Variants in COL5A2 observed in about 807,000 individuals in gnomAD.
The protein encoded by COL5A2 is collagen type V alpha 2 chain, also known as collagen alpha-2(V) chain.
COL5A2 carries 23 observed loss-of-function variants against 208.2 expected under a neutral mutation model. That is an observed-to-expected ratio of 0.11 (90% CI 0.08 to 0.16). The LOEUF (loss-of-function observed/expected upper bound fraction) is 0.16, where lower values mean the gene tolerates loss of function less well. Among genes scored for constraint, COL5A2 ranks in the 10% least tolerant of loss-of-function variants. The pLI, the probability that COL5A2 is intolerant of heterozygous loss-of-function variation, is 1.00. For missense variants in COL5A2, 1,590 were observed against 1,956.4 expected (o/e 0.81, Z 3.53); for synonymous variants, 625 against 628.5 (o/e 0.99, Z 0.08).
chr2:189,096,547 G>A (rs1233976497), intron 6 of COL5A2, among the ~76,000 whole-genome samples: 1 of 149,498 alleles, frequency 6.7e-6, no homozygotes, highest in Non-Finnish European at 1.5e-5. Context: ...GCGTGAACCA[G>A]GGAGGCGGAG....
At chr2:189,354,045 T>C in the COL5A2 span, among the ~76,000 whole-genome samples, 85,887 of 151,864 alleles carry the variant, frequency 0.57, 26,114 homozygotes, top group East Asian at 0.71. Flanking sequence ...GAGATAGATG[T>C]TTTTGTCATT....
intron 1 of COL5A2, among the ~76,000 whole-genome samples, chr2:189,137,214 A>G (rs1262080805): frequency 6.6e-6 from 1 of 152,242 alleles, no homozygotes; most frequent in Non-Finnish European, 1.5e-5. Flanking sequence ...GTGAATTATC[A>G]TTGGTCTTTT....
intron 6 of COL5A2, 116 bp from the exon 7 acceptor site, chr2:189,092,536 C>A (rs938214135): frequency 2.7e-6 from 2 of 727,354 alleles, no homozygotes; most frequent in African/African-American, 1.7e-5. Context: ...AAATACATGG[C>A]AATCTAGCCA....
chr2:189,190,170 G>C (rs957131688), intron 1 of COL5A2, among the ~76,000 whole-genome samples: 2 of 152,154 alleles, frequency 1.3e-5, no homozygotes, highest in Non-Finnish European at 2.9e-5. Context: ...TCACCAGTTG[G>C]AGAGTGTACT....
At chr2:189,350,846 C>A in the COL5A2 span, among the ~76,000 whole-genome samples, 2 of 152,196 alleles carry the variant, frequency 1.3e-5, no homozygotes, top group African/African-American at 4.8e-5. Context: ...TCAACACAAG[C>A]CATGTCTGCA....
the COL5A2 span, among the ~76,000 whole-genome samples, chr2:189,381,718 A>G: frequency 5.9e-5 from 9 of 152,098 alleles, no homozygotes; most frequent in Admixed American, 5.9e-4. Context: ...TTGTGCAGTA[A>G]TTTTAGAAGA....
chr2:189,221,689 CAGG>C (rs1261480922), intron 1 of COL5A2, among the ~76,000 whole-genome samples: 1 of 152,032 alleles, frequency 6.6e-6, no homozygotes, highest in East Asian at 1.9e-4. Flanking sequence ...GGAACTTAGA[CAGG>C]AGTAGTTCTT....
chr2:189,397,239 T>G, the COL5A2 span, among the ~76,000 whole-genome samples: 2 of 152,006 alleles, frequency 1.3e-5, no homozygotes. Flanking sequence ...CAGTAACAGT[T>G]CTCTTCTTTT....
At position 189,129,324 on chromosome 2, in the gene COL5A2, G is replaced by T. The variant is rs527384391; in HGVS notation, c.98-18875C>A. ...AACTCCTTACATTTCACTAAAAGGG[G>T]CCCAGCCCATAAATGATTTGCTAAA... On this transcript the variant is annotated intron_variant, in intron 1 of 53. Coordinates refer to ENST00000374866, the MANE Select transcript of COL5A2 (RefSeq NM_000393.5). Among the ~76,000 whole-genome samples, 12 of 152,014 alleles carry T rather than the reference G, an allele frequency of 7.9e-5. No homozygotes were observed. In the East Asian group the frequency reaches 2.3e-3, roughly 29 times the overall value.
chr2:189,334,658 C>A, the COL5A2 span, among the ~76,000 whole-genome samples: 992 of 152,066 alleles, frequency 6.5e-3, 3 homozygotes, highest in Non-Finnish European at 0.011. Flanking sequence ...CCTTTCTCCC[C>A]AAATTGATAG....
chr2:189,062,606 T>C (rs1686059006), intron 29 of COL5A2, among the ~76,000 whole-genome samples: 1 of 152,180 alleles, frequency 6.6e-6, no homozygotes, highest in South Asian at 2.1e-4. Flanking sequence ...GATATAGTCC[T>C]TAACTGTGAC....
At chr2:189,057,543 C>T (rs1685928045) in intron 33 of COL5A2, 116 bp from the exon 34 acceptor site, 1 of 751,272 alleles carries the variant, frequency 1.3e-6, no homozygotes, top group African/African-American at 1.7e-5. Flanking sequence ...CAACTTAGTG[C>T]TTATATTTTT....
In COL5A2 at chr2:189,049,560, A is replaced by G. The variant is rs554849538; in HGVS notation, c.3040-106T>C. 16 of 836,130 alleles carry G rather than the reference A, an allele frequency of 1.9e-5. No homozygotes were observed. In the South Asian group the frequency reaches 2.2e-4, roughly 11 times the overall value. The allele number at this position is 836,130 out of a possible 1,614,324, so 51.8% of individuals were successfully genotyped here. A position where few individuals can be genotyped will look rare whatever the true frequency, so the allele number is the denominator to read the frequency against. On this transcript the variant is annotated intron_variant, in intron 43 of 53. Coordinates refer to ENST00000374866, the MANE Select transcript of COL5A2 (RefSeq NM_000393.5). Reference sequence around the variant, plus strand: ...GGTGCCTCTGGGCTCCTTCTATAATAATAATTTTGCATTATCTTACAACAC... The same window carrying G: ...GGTGCCTCTGGGCTCCTTCTATAATGATAATTTTGCATTATCTTACAACAC...
chr2:189,055,648 A>AT (rs1264906699), intron 35 of COL5A2, among the ~76,000 whole-genome samples: 1 of 152,168 alleles, frequency 6.6e-6, no homozygotes, highest in Admixed American at 6.5e-5. Flanking sequence ...ATGTTTATAG[A>AT]TTTTTTATAC....
chr2:189,372,805 G>A, the COL5A2 span, among the ~76,000 whole-genome samples: 1 of 152,058 alleles, frequency 6.6e-6, no homozygotes, highest in Non-Finnish European at 1.5e-5. Flanking sequence ...ATTTTTAATA[G>A]TAGGTATATT....
intron 1 of COL5A2, among the ~76,000 whole-genome samples, chr2:189,121,173 G>A (rs1410501556): frequency 2.6e-5 from 4 of 151,784 alleles, no homozygotes; most frequent in Admixed American, 2.6e-4. Context: ...TGGGATTTGA[G>A]TTCTTTAACT....
At chr2:189,249,028 T>C in the COL5A2 span, among the ~76,000 whole-genome samples, 1 of 152,174 alleles carries the variant, frequency 6.6e-6, no homozygotes, top group African/African-American at 2.4e-5. Flanking sequence ...TAAAATTATT[T>C]GTAACAAGAT....
chr2:189,216,498 A>G (rs536825759), intron 1 of COL5A2, among the ~76,000 whole-genome samples: 2 of 152,192 alleles, frequency 1.3e-5, no homozygotes, highest in South Asian at 4.2e-4. Context: ...AAAATCTAGT[A>G]TGTAAATTAA....
the COL5A2 span, among the ~76,000 whole-genome samples, chr2:189,308,297 C>T: frequency 6.6e-6 from 1 of 150,940 alleles, no homozygotes; most frequent in Non-Finnish European, 1.5e-5. Context: ...TCATTATACC[C>T]TCCTCCCTTT....
Sources: gnomAD v4.1 joint callset for allele counts (sites outside exome capture counted in the v4.1 genomes callset) on GRCh38, gnomAD v4.1.1 for gene constraint, MANE v1.5 for transcripts, NCBI Gene and HGNC (gene_info 2026-07-23, HGNC 2026-07-21) for gene names.